DAB2IP: variants seen among roughly 807,000 people sequenced by gnomAD.
DAB2IP encodes the protein disabled homolog 2-interacting protein.
Under a neutral mutation model 107.2 loss-of-function variants are expected in DAB2IP, and 28 were observed. That is an observed-to-expected ratio of 0.26 (90% CI 0.19 to 0.36). The LOEUF is 0.36. DAB2IP is among the 10% of genes least tolerant of loss of function. The pLI is 1.00. For synonymous variants in DAB2IP, 755 were observed against 706.4 expected, an observed-to-expected ratio of 1.07 and a Z score of -1.09; for missense variants, 1,400 against 1,644.7, an observed-to-expected ratio of 0.85 and a Z score of 2.57.
intron 3 of DAB2IP, among the ~76,000 whole-genome samples, chr9:121,726,701 G>A (rs1303797161): frequency 2.0e-5 from 3 of 152,146 alleles, no homozygotes; most frequent in Admixed American, 1.3e-4. Flanking sequence ...AACCCCTCCC[G>A]CCCCCACCAC....
intron 10 of DAB2IP, among the ~76,000 whole-genome samples, chr9:121,770,323 T>G (rs929469304): frequency 2.0e-5 from 3 of 152,194 alleles, no homozygotes; most frequent in Non-Finnish European, 4.4e-5. Context: ...ACTGTGGGCC[T>G]CCTACTCCTG....
At chr9:121,738,414 G>T (rs1832082945) in intron 3 of DAB2IP, among the ~76,000 whole-genome samples, 1 of 152,142 alleles carries the variant, frequency 6.6e-6, no homozygotes, top group Non-Finnish European at 1.5e-5. Context: ...ACTAATAAAA[G>T]TAAAGGGTTT....
intron 4 of DAB2IP, among the ~76,000 whole-genome samples, chr9:121,757,799 G>T (rs991797956): frequency 6.6e-6 from 1 of 150,674 alleles, no homozygotes; most frequent in African/African-American, 2.5e-5. Context: ...TGCTTCTGCA[G>T]TTATTCATAT....
At chr9:121,731,583 C>T (rs541355155) in intron 3 of DAB2IP, among the ~76,000 whole-genome samples, 2 of 152,352 alleles carry the variant, frequency 1.3e-5, no homozygotes, top group Admixed American at 1.3e-4. Flanking sequence ...CTTTCCTTGT[C>T]TCCTCCAGCT....
chr9:121,640,898 T>G (rs1832264101), intron 1 of DAB2IP, among the ~76,000 whole-genome samples: 1 of 152,138 alleles, frequency 6.6e-6, no homozygotes, highest in South Asian at 2.1e-4. Flanking sequence ...GGGGGGCTGG[T>G]TTGGTAGTGA....
chr9:121,678,969 G>A, intron 2 of DAB2IP, 188 bp downstream of exon 2: 1 of 499,656 alleles, frequency 2.0e-6, no homozygotes, highest in East Asian at 3.5e-5. Context: ...CTGGTCCCGG[G>A]GGCCACATGG....
chr9:121,763,992 C>T lies in DAB2IP; in HGVS notation c.1460+113C>T. The stretch of plus-strand genomic sequence containing the variant: ...CTGGCCCCTGAGTTGTACTGACTTG[C>T]CAGTCCCCTGGCCTAGTCCCTTTTG... On this transcript the variant is annotated intron_variant, in intron 8 of 15. Coordinates refer to ENST00000408936, the Ensembl canonical transcript of DAB2IP. The T allele has an allele frequency of 2.8e-6, 4 of 1,440,988 alleles. No homozygotes were observed. The South Asian group carries it at 5.3e-5, about 19-fold the overall frequency. 89.3% of individuals were successfully genotyped at this position (1,440,988 alleles called of 1,614,324 possible).
At chr9:121,639,200 G>A (rs1564126572) in intron 1 of DAB2IP, among the ~76,000 whole-genome samples, 1 of 152,340 alleles carries the variant, frequency 6.6e-6, no homozygotes, top group East Asian at 1.9e-4. Flanking sequence ...GCCTGACAAA[G>A]GGGAAGCACT....
At chr9:121,695,575 G>A (rs1829378694) in intron 2 of DAB2IP, among the ~76,000 whole-genome samples, 1 of 152,210 alleles carries the variant, frequency 6.6e-6, no homozygotes, top group Non-Finnish European at 1.5e-5. Context: ...GCTGCCCAGT[G>A]GGAATGGTCA....
chr9:121,764,156 C>T (rs1333404852), intron 8 of DAB2IP, among the ~76,000 whole-genome samples: 1 of 152,190 alleles, frequency 6.6e-6, no homozygotes, highest in African/African-American at 2.4e-5. Context: ...TGGGCTGCAG[C>T]GGGAGTGAGA....
intron 1 of DAB2IP, among the ~76,000 whole-genome samples, chr9:121,622,430 G>A (rs910441387): frequency 2.6e-5 from 4 of 152,234 alleles, no homozygotes; most frequent in African/African-American, 9.6e-5. Flanking sequence ...GCCTCCAGAA[G>A]TGTGTGCTTT....
rs1291839459 is a variant in DAB2IP, at chr9:121,666,913, CACA to C, written c.125-11761_125-11759del. ...ACACACACACACACACACACACACA[CACA>C]ACACTCTTAAATAGACGTACACAGA... On this transcript the variant is annotated intron_variant, in intron 1 of 15. Transcript: ENST00000408936. Among the ~76,000 whole-genome samples, 773 of 134,746 alleles carry C rather than the reference CACA, an allele frequency of 5.7e-3. 7 individuals carry two copies. The highest frequency in any genetic ancestry group is 0.02 in the African/African-American group (716 of 36,234). 88.4% of individuals were successfully genotyped at this position (134,746 alleles called of 152,430 possible).
At chr9:121,758,869 C>T in intron 4 of DAB2IP, 29 bp from the exon 5 acceptor site, 1 of 1,603,808 alleles carries the variant, frequency 6.2e-7, no homozygotes, top group African/African-American at 1.3e-5. Flanking sequence ...TCCCTTCCCT[C>T]ATAACACTGT....
At chr9:121,605,676 T>G (rs1830845059) in intron 1 of DAB2IP, among the ~76,000 whole-genome samples, 2 of 152,058 alleles carry the variant, frequency 1.3e-5, no homozygotes, top group Non-Finnish European at 1.5e-5. Context: ...AATTTAAAAA[T>G]TTTTCTTCTT....
intron 1 of DAB2IP, among the ~76,000 whole-genome samples, chr9:121,661,878 G>T (rs1338071171): frequency 6.6e-6 from 1 of 152,066 alleles, no homozygotes; most frequent in South Asian, 2.1e-4. Flanking sequence ...CTGTTTAAAA[G>T]GTTGAGGGTG....
chr9:121,774,782 C>G (rs940275183), intron 13 of DAB2IP, among the ~76,000 whole-genome samples: 2 of 152,070 alleles, frequency 1.3e-5, no homozygotes, highest in Admixed American at 6.5e-5. Context: ...TAGAAGCCCC[C>G]CTGAGGGAAC....
rs890316978 is a variant in DAB2IP at position 121,634,668 on chromosome 9, C to A, written c.41-44010C>A. The stretch of plus-strand genomic sequence containing the variant: ...CTCGTGGGAGTGTGGAAGAGGAGCA[C>A]CTTTCTCTGGGGAGAGCACTTCCGG... On this transcript the variant is annotated intron_variant, in intron 1 of 16. Coordinates refer to the DAB2IP transcript ENST00000259371. The surrounding 1 kb of genome is among the most constrained non-coding windows in gnomAD (Gnocchi z 4.7). Among the ~76,000 whole-genome samples, 1 of 152,180 alleles carries A rather than the reference C, an allele frequency of 6.6e-6. No individual in the cohort carries two copies. The highest frequency in any genetic ancestry group is 1.5e-5 in the Non-Finnish European group (1 of 68,032).
At chr9:121,745,335 C>T (rs1832650715) in intron 3 of DAB2IP, among the ~76,000 whole-genome samples, 1 of 152,148 alleles carries the variant, frequency 6.6e-6, no homozygotes, top group Non-Finnish European at 1.5e-5. Context: ...CAGCCACACT[C>T]CTGGTTTTCT....
intron 3 of DAB2IP, among the ~76,000 whole-genome samples, chr9:121,720,953 A>G (rs1393347122): frequency 6.6e-6 from 1 of 152,190 alleles, no homozygotes; most frequent in Non-Finnish European, 1.5e-5. Flanking sequence ...GAAAAAGGGA[A>G]GAGTTGGTTA....
Sources: gnomAD v4.1 joint callset for allele counts (sites outside exome capture counted in the v4.1 genomes callset) on GRCh38, gnomAD v4.1.1 for gene constraint, Gnocchi (gnomAD v3.1) non-coding constraint, MANE v1.5 for transcripts, NCBI Gene and HGNC (gene_info 2026-07-23, HGNC 2026-07-21) for gene names.